LRMDA: variants seen among roughly 807,000 people sequenced by gnomAD.
LRMDA encodes the protein leucine rich melanocyte differentiation associated.
LRMDA carries 18 observed loss-of-function variants against 29.8 expected under a neutral mutation model. The ratio of observed to expected loss-of-function variants is 0.60; its 90% CI spans 0.42 to 0.90. LRMDA has a LOEUF of 0.90. LRMDA is among the 40% of genes least tolerant of loss of function. The pLI is 0.00. For synonymous variants in LRMDA, 125 were observed against 109.4 expected (o/e 1.14, Z -0.89); for missense variants, 273 against 273.9 (o/e 1.00, Z 0.02).
intron 2 of LRMDA, among the ~76,000 whole-genome samples, chr10:75,511,854 A>C (rs1166077715): frequency 1.3e-5 from 2 of 152,290 alleles, no homozygotes; most frequent in South Asian, 4.1e-4. Context: ...TGGGCAAAGA[A>C]AGAACTGGAA....
intron 2 of LRMDA, among the ~76,000 whole-genome samples, chr10:75,838,230 T>G (rs533733063): frequency 6.6e-6 from 1 of 152,328 alleles, no homozygotes; most frequent in African/African-American, 2.4e-5. Flanking sequence ...TTATTTCATT[T>G]GTAAAGTGCT....
At chr10:75,661,766 A>G (rs1219275552) in intron 2 of LRMDA, among the ~76,000 whole-genome samples, 1 of 152,196 alleles carries the variant, frequency 6.6e-6, no homozygotes, top group Non-Finnish European at 1.5e-5. Context: ...GGGAAGAGTG[A>G]AATTGAGACT....
At chr10:75,491,481 T>G (rs1844986873) in intron 2 of LRMDA, among the ~76,000 whole-genome samples, 1 of 152,152 alleles carries the variant, frequency 6.6e-6, no homozygotes, top group Admixed American at 6.6e-5. Context: ...TGGCCCTTTG[T>G]TATGTATTAC....
intron 5 of LRMDA, among the ~76,000 whole-genome samples, chr10:76,222,104 A>G (rs1851853085): frequency 6.6e-6 from 1 of 151,866 alleles, no homozygotes; most frequent in Admixed American, 6.6e-5. Context: ...CTTACACCTT[A>G]TACAAAAATT....
intron 2 of LRMDA, among the ~76,000 whole-genome samples, chr10:75,910,722 C>G (rs576641460): frequency 5.7e-4 from 87 of 152,294 alleles, no homozygotes; most frequent in African/African-American, 1.9e-3. Context: ...TTCCTGTGCT[C>G]TTTTAGCCAT....
chr10:76,151,298 G>T (rs1850437577), intron 5 of LRMDA, among the ~76,000 whole-genome samples: 1 of 152,192 alleles, frequency 6.6e-6, no homozygotes, highest in African/African-American at 2.4e-5. Flanking sequence ...CAGTTATGCG[G>T]CTTGCTACTG....
At chr10:75,758,605 C>G (rs868566217) in intron 2 of LRMDA, among the ~76,000 whole-genome samples, 1 of 152,228 alleles carries the variant, frequency 6.6e-6, no homozygotes, top group Non-Finnish European at 1.5e-5. Flanking sequence ...TTACTCCACA[C>G]CCCTCATGTG....
intron 2 of LRMDA, among the ~76,000 whole-genome samples, chr10:75,704,940 G>T (rs1251371263): frequency 1.3e-5 from 2 of 152,164 alleles, no homozygotes; most frequent in African/African-American, 4.8e-5. Context: ...AATTCAAACT[G>T]CCACAAGTAG....
At chr10:76,376,858 TGGAA>T (rs1283692861) in intron 6 of LRMDA, among the ~76,000 whole-genome samples, 4 of 115,836 alleles carry the variant, frequency 3.5e-5, no homozygotes, top group African/African-American at 1.1e-4. Flanking sequence ...GTTGGGCACT[TGGAA>T]GTCTTTTTTT....
intron 2 of LRMDA, among the ~76,000 whole-genome samples, chr10:75,557,049 C>CA (rs938288757): frequency 2.0e-4 from 31 of 152,172 alleles, no homozygotes; most frequent in Admixed American, 1.5e-3. Flanking sequence ...CATGGTGGCT[C>CA]ACACCTGTAA....
chr10:75,900,012 T>C (rs1049034559), intron 2 of LRMDA, among the ~76,000 whole-genome samples: 1 of 152,206 alleles, frequency 6.6e-6, no homozygotes, highest in African/African-American at 2.4e-5. Flanking sequence ...GCCTTGGAGA[T>C]TAGAGCTGGG....
chr10:76,018,031 G>C lies in LRMDA; in HGVS notation c.132-17977G>C, dbSNP rs539819734. Among the ~76,000 whole-genome samples the C allele has an allele frequency of 5.3e-5, 8 of 152,306 alleles. No individual in the cohort carries two copies. In the East Asian group the frequency reaches 1.5e-3, roughly 29 times the overall value. ...TCTGTGCCATCTCTTCCACCACTGT[G>C]GGGGCTCCTTCCTAGATCACGATTT... On this transcript the variant is annotated intron_variant, in intron 2 of 6. Coordinates refer to ENST00000611255, the MANE Select transcript of LRMDA (RefSeq NM_001305581.2).
chr10:76,204,856 A>G (rs995457886), intron 5 of LRMDA, among the ~76,000 whole-genome samples: 1 of 152,198 alleles, frequency 6.6e-6, no homozygotes, highest in Non-Finnish European at 1.5e-5. Flanking sequence ...GTTTTTGAGC[A>G]CTCTGTGGCT....
At chr10:76,222,857 G>C (rs2132260243) in intron 5 of LRMDA, among the ~76,000 whole-genome samples, 1 of 152,086 alleles carries the variant, frequency 6.6e-6, no homozygotes, top group East Asian at 1.9e-4. Context: ...CAAAGACTTG[G>C]AACCAACCCA....
intron 2 of LRMDA, among the ~76,000 whole-genome samples, chr10:75,976,421 T>G (rs1646931513): frequency 6.6e-6 from 1 of 152,234 alleles, no homozygotes; most frequent in African/African-American, 2.4e-5. Flanking sequence ...CTTTTTTGTT[T>G]TCTTCAGATC....
intron 5 of LRMDA, among the ~76,000 whole-genome samples, chr10:76,246,617 A>G (rs766876373): frequency 6.6e-6 from 1 of 152,162 alleles, no homozygotes; most frequent in East Asian, 1.9e-4. Context: ...AGGTCCTGCA[A>G]CCTTTCTTGA....
chr10:75,689,316 A>C (rs1842117565), intron 2 of LRMDA, among the ~76,000 whole-genome samples: 1 of 152,240 alleles, frequency 6.6e-6, no homozygotes, highest in Non-Finnish European at 1.5e-5. Flanking sequence ...CTGTTGAAGC[A>C]AAGGGTTTGA....
At chr10:76,067,216 A>G (rs1000028609) in intron 5 of LRMDA, among the ~76,000 whole-genome samples, 3 of 152,200 alleles carry the variant, frequency 2.0e-5, no homozygotes, top group Non-Finnish European at 4.4e-5. Context: ...TGTCCCTTAT[A>G]GTATTCACTG....
intron 5 of LRMDA, among the ~76,000 whole-genome samples, chr10:76,127,025 C>A (rs957161557): frequency 2.0e-5 from 3 of 152,154 alleles, no homozygotes; most frequent in Non-Finnish European, 4.4e-5. Flanking sequence ...ATAAAGCCAA[C>A]CATGTGGATA....
Sources: allele counts gnomAD v4.1 joint callset (sites outside exome capture counted in the v4.1 genomes callset), GRCh38; gene constraint gnomAD v4.1.1; transcripts MANE v1.5; gene names NCBI Gene and HGNC (gene_info 2026-07-23, HGNC 2026-07-21).